MAPK10: variants seen among roughly 807,000 people sequenced by gnomAD.
MAPK10 encodes mitogen-activated protein kinase 10, also known as JNK3 alpha protein kinase.
A neutral mutation model predicts 59.3 loss-of-function variants in MAPK10; 25 were observed. The ratio of observed to expected loss-of-function variants is 0.42; its 90% CI spans 0.31 to 0.59. MAPK10 has a LOEUF of 0.59. MAPK10 is among the 20% of genes least tolerant of loss of function. MAPK10 has a pLI of 0.15. For missense variants in MAPK10, 351 were observed against 568.9 expected (o/e 0.62, Z 3.90); for synonymous variants, 190 against 200.5 (o/e 0.95, Z 0.44).
At chr4:86,122,735 A>G (rs1409039142) in intron 4 of MAPK10, among the ~76,000 whole-genome samples, 1 of 152,140 alleles carries the variant, frequency 6.6e-6, no homozygotes, top group Non-Finnish European at 1.5e-5. Context: ...TAGGGAATAA[A>G]TAAGATAAAT....
At chr4:86,274,420 A>G (rs2094515004) in intron 2 of MAPK10, among the ~76,000 whole-genome samples, 1 of 151,984 alleles carries the variant, frequency 6.6e-6, no homozygotes, top group Non-Finnish European at 1.5e-5. Context: ...TCTCTTGGAA[A>G]ATGTTAAAAG....
intron 1 of MAPK10, among the ~76,000 whole-genome samples, chr4:86,416,355 C>T (rs971514765): frequency 5.3e-5 from 8 of 152,238 alleles, no homozygotes; most frequent in African/African-American, 1.9e-4. Flanking sequence ...TGGTATTTTG[C>T]TATGGCAGCC....
intron 1 of MAPK10, among the ~76,000 whole-genome samples, chr4:86,524,232 T>C (rs1757311795): frequency 1.3e-5 from 2 of 152,224 alleles, no homozygotes; most frequent in South Asian, 4.1e-4. Flanking sequence ...TTTTTCTCTA[T>C]AAATTACCTA....
intron 2 of MAPK10, among the ~76,000 whole-genome samples, chr4:86,321,463 T>C (rs570974197): frequency 0.014 from 2,061 of 151,994 alleles, 12 homozygotes; most frequent in African/African-American, 0.015. Flanking sequence ...GAAATCATCA[T>C]TCTCAGTAAA....
chr4:86,251,789 C>G (rs1346809167), intron 2 of MAPK10, among the ~76,000 whole-genome samples: 4 of 137,842 alleles, frequency 2.9e-5, no homozygotes, highest in Non-Finnish European at 6.1e-5. Context: ...GACAGTCCCA[C>G]CAACAGTGTA....
At position 86,470,273 on chromosome 4, in the gene MAPK10, T is replaced by G. The variant is rs576617304; in HGVS notation, c.-262-115629A>C. ...ATTTTTATTCTAAAATAATTTTAAT[T>G]TAGTTTGTAACTGAAACATGAAGTT... On this transcript the variant is annotated intron_variant, in intron 1 of 4. Transcript: ENST00000502302. 1.7e-4 allele frequency among the ~76,000 whole-genome samples: 26 copies of G among 152,322 alleles called. No homozygotes were observed. In the South Asian group the frequency reaches 5.4e-3, roughly 32 times the overall value.
chr4:86,427,256 C>CAAAAA (rs576600795), intron 1 of MAPK10, among the ~76,000 whole-genome samples: 1 of 93,768 alleles, frequency 1.1e-5, no homozygotes, highest in Non-Finnish European at 2.1e-5. Flanking sequence ...GATTCTGTCT[C>CAAAAA]AAAAAAAAAA....
chr4:86,341,353 T>C lies in MAPK10; in HGVS notation c.-7+13177A>G, dbSNP rs1724798639. Among the ~76,000 whole-genome samples the C allele has an allele frequency of 1.3e-5, 2 of 152,094 alleles. 1 individual carries two copies. The highest frequency in any genetic ancestry group is 4.1e-4 in the South Asian group (2 of 4,824). ...AGATCTCAATGAATCTGAGACAATA[T>C]GGGAAGGTATTTTTAGAAGTCTTAA... On this transcript the variant is annotated intron_variant, in intron 2 of 13. Transcript: ENST00000641462.
intron 1 of MAPK10, among the ~76,000 whole-genome samples, chr4:86,518,183 C>A (rs1422344519): frequency 6.6e-6 from 1 of 152,130 alleles, no homozygotes; most frequent in Non-Finnish European, 1.5e-5. Context: ...CCACTATACC[C>A]GGCTAACCTT....
chr4:86,104,358 C>T (rs2056150497), intron 5 of MAPK10, among the ~76,000 whole-genome samples: 1 of 152,024 alleles, frequency 6.6e-6, no homozygotes, highest in East Asian at 1.9e-4. Context: ...CTAAAGCAAC[C>T]TTGCAGTGTG....
chr4:86,101,281 CT>C (rs1201248330), intron 7 of MAPK10, 64 bp from the exon 8 acceptor site: 53 of 1,326,766 alleles, frequency 4.0e-5, no homozygotes, highest in Non-Finnish European at 5.5e-5. Flanking sequence ...TTTCCATTGA[CT>C]CAATCAACAT....
At chr4:86,512,302 A>C (rs1367406032) in intron 1 of MAPK10, among the ~76,000 whole-genome samples, 1 of 152,172 alleles carries the variant, frequency 6.6e-6, no homozygotes, top group Non-Finnish European at 1.5e-5. Flanking sequence ...GTTCAGTAAA[A>C]ATCTACTTTC....
At chr4:86,475,123 T>G (rs1231997850) in intron 1 of MAPK10, among the ~76,000 whole-genome samples, 1 of 152,160 alleles carries the variant, frequency 6.6e-6, no homozygotes, top group African/African-American at 2.4e-5. Context: ...CTCTCTTCAC[T>G]GACTCTCTTT....
At chr4:86,026,660 T>C (rs1750405654) in intron 13 of MAPK10, 1 of 152,198 alleles carries the variant, frequency 6.6e-6, no homozygotes, top group Non-Finnish European at 1.5e-5. Context: ...ATTCCCAGTA[T>C]TGCCATAACT....
At chr4:86,585,358 A>C (rs1222665648) in intron 1 of MAPK10, among the ~76,000 whole-genome samples, 2 of 152,230 alleles carry the variant, frequency 1.3e-5, no homozygotes, top group Non-Finnish European at 2.9e-5. Context: ...ATTTAATGGA[A>C]GCATTCTAAA....
At chr4:86,044,686 A>G (rs1293399489) in intron 11 of MAPK10, 7 of 397,272 alleles carry the variant, frequency 1.8e-5, no homozygotes, top group Non-Finnish European at 3.1e-5. Flanking sequence ...TGTGTCTCAT[A>G]ATCAAATGCA....
At chr4:86,313,060 T>A (rs2095702649) in intron 2 of MAPK10, among the ~76,000 whole-genome samples, 1 of 152,090 alleles carries the variant, frequency 6.6e-6, no homozygotes, top group African/African-American at 2.4e-5. Flanking sequence ...TACATATGCA[T>A]ATATAAATAC....
intron 1 of MAPK10, among the ~76,000 whole-genome samples, chr4:86,541,393 G>A (rs959350608): frequency 2.6e-5 from 4 of 152,088 alleles, no homozygotes; most frequent in African/African-American, 9.7e-5. Context: ...AGGAATGGAG[G>A]GTCACACAAA....
At chr4:86,085,818 G>A (rs1332746311) in intron 9 of MAPK10, among the ~76,000 whole-genome samples, 2 of 152,148 alleles carry the variant, frequency 1.3e-5, no homozygotes, top group African/African-American at 4.8e-5. Context: ...CACTGTTGAC[G>A]ATAGCCAAGA....
Sources: gnomAD v4.1 joint callset for allele counts (sites outside exome capture counted in the v4.1 genomes callset) on GRCh38, gnomAD v4.1.1 for gene constraint, MANE v1.5 for transcripts, NCBI Gene and HGNC (gene_info 2026-07-23, HGNC 2026-07-21) for gene names.